The following PDE11A variants were observed in gnomAD, a reference collection of about 807,000 sequenced individuals.
PDE11A encodes dual 3',5'-cyclic-AMP and -GMP phosphodiesterase 11A.
Under a neutral mutation model 100.5 loss-of-function variants are expected in PDE11A, and 100 were observed. The ratio of observed to expected loss-of-function variants is 1.00; its 90% CI spans 0.85 to 1.18. PDE11A has a LOEUF of 1.18. Ranked by LOEUF, PDE11A falls within the 50% of genes most tolerant of loss-of-function variation. The pLI, the probability that PDE11A is intolerant of heterozygous loss-of-function variation, is 0.00. For missense variants in PDE11A, 1,141 were observed against 1,152.6 expected (o/e 0.99, Z 0.15); for synonymous variants, 381 against 420.8 (o/e 0.91, Z 1.16).
intron 10 of PDE11A, among the ~76,000 whole-genome samples, chr2:177,765,714 A>G (rs1356669013): frequency 6.6e-6 from 1 of 152,210 alleles, no homozygotes; most frequent in Non-Finnish European, 1.5e-5. Context: ...ACATGGATCC[A>G]TGGGAGGCTG....
At chr2:178,101,010 A>G (rs1574398987) in intron 2 of PDE11A, among the ~76,000 whole-genome samples, 1 of 152,258 alleles carries the variant, frequency 6.6e-6, no homozygotes. Context: ...TGATCTATTC[A>G]GTAGTCTATC....
chr2:177,689,176 G>T (rs553031215), intron 15 of PDE11A, among the ~76,000 whole-genome samples: 4 of 152,020 alleles, frequency 2.6e-5, no homozygotes, highest in Admixed American at 2.6e-4. Flanking sequence ...TCCTCCTCTC[G>T]GGTTCAAGAG....
chr2:177,830,975 C>T (rs144459441), intron 6 of PDE11A, among the ~76,000 whole-genome samples: 10 of 152,140 alleles, frequency 6.6e-5, no homozygotes, highest in Non-Finnish European at 1.3e-4. Context: ...AGCTCTGTGA[C>T]ATATAATCTT....
chr2:177,922,266 T>G (rs2085061963), intron 2 of PDE11A, among the ~76,000 whole-genome samples: 1 of 152,140 alleles, frequency 6.6e-6, no homozygotes, highest in African/African-American at 2.4e-5. Context: ...TTACTCAATA[T>G]TTTCACTTAG....
At chr2:177,963,818 A>C (rs1055101715) in intron 2 of PDE11A, among the ~76,000 whole-genome samples, 2 of 152,196 alleles carry the variant, frequency 1.3e-5, no homozygotes, top group African/African-American at 4.8e-5. Context: ...TTGTAACCCA[A>C]GCTGGAGATG....
intron 2 of PDE11A, chr2:177,926,864 A>G (rs2085131826): frequency 6.6e-6 from 1 of 151,786 alleles, no homozygotes; most frequent in African/African-American, 2.4e-5. Flanking sequence ...TAATTTTTTT[A>G]CTCCACATCT....
chr2:177,754,220 T>G (rs1574108439), intron 10 of PDE11A, among the ~76,000 whole-genome samples: 2 of 152,280 alleles, frequency 1.3e-5, no homozygotes, highest in Middle Eastern at 3.4e-3. Flanking sequence ...GATGGTCCAC[T>G]GGAGGGAAAG....
chr2:177,944,509 G>A (rs2085380575), intron 2 of PDE11A, among the ~76,000 whole-genome samples: 1 of 152,164 alleles, frequency 6.6e-6, no homozygotes, highest in Admixed American at 6.5e-5. Flanking sequence ...TCAAGACTCT[G>A]CTTAAAAAGC....
At chr2:178,097,644 A>C (rs183011123) in intron 2 of PDE11A, among the ~76,000 whole-genome samples, 35 of 152,364 alleles carry the variant, frequency 2.3e-4, no homozygotes, top group African/African-American at 8.4e-4. Context: ...AGAAGCTAGT[A>C]GAAAATGATA....
chr2:177,642,177 T>C (rs115383394), intron 19 of PDE11A, among the ~76,000 whole-genome samples: 94 of 152,340 alleles, frequency 6.2e-4, no homozygotes, highest in African/African-American at 2.2e-3. Flanking sequence ...GAATATCTCA[T>C]TAGCTAATAA....
At chr2:178,044,248 T>C (rs1167693393) in intron 1 of PDE11A, among the ~76,000 whole-genome samples, 3 of 151,840 alleles carry the variant, frequency 2.0e-5, no homozygotes, top group Admixed American at 1.3e-4. Context: ...GTCTTTCAAA[T>C]ATTTTTTCCA....
chr2:177,809,703 G>A (rs944845633), intron 9 of PDE11A, among the ~76,000 whole-genome samples: 2 of 151,708 alleles, frequency 1.3e-5, no homozygotes, highest in Non-Finnish European at 2.9e-5. Flanking sequence ...ATGAAGGGAA[G>A]GGAAGAAGCT....
rs60279596 is a variant in PDE11A at position 177,694,998 on chromosome 2, A to ATTT, written c.2345+2331_2345+2333dup. Among the ~76,000 whole-genome samples the ATTT allele has an allele frequency of 2.1e-3, 294 of 142,250 alleles. 1 individual carries two copies. The highest frequency in any genetic ancestry group is 7.2e-3 in the African/African-American group (281 of 38,780). The allele number at this position is 142,250 out of a possible 152,430, so 93.3% of individuals were successfully genotyped here. On this transcript the variant is annotated intron_variant, in intron 15 of 19. Coordinates refer to ENST00000286063, the MANE Select transcript of PDE11A (RefSeq NM_016953.4). ...CCTCTCCCTGTTTTCTCTGAATTTC[A>ATTT]TTTTTTTTTTCTGTTTGTTTGGCCT...
intron 19 of PDE11A, among the ~76,000 whole-genome samples, chr2:177,642,562 C>G (rs1195346049): frequency 6.6e-6 from 1 of 152,180 alleles, no homozygotes; most frequent in Non-Finnish European, 1.5e-5. Flanking sequence ...TTGTTAGTTG[C>G]CTACCCAATA....
chr2:178,069,416 A>C (rs2087094927), intron 1 of PDE11A, among the ~76,000 whole-genome samples: 2 of 152,276 alleles, frequency 1.3e-5, no homozygotes, highest in Admixed American at 1.3e-4. Flanking sequence ...GAGATACATA[A>C]AAGAAGCCAA....
At chr2:177,882,326 C>T (rs13426862) in intron 4 of PDE11A, among the ~76,000 whole-genome samples, 9,524 of 152,160 alleles carry the variant, frequency 0.063, 313 homozygotes, top group South Asian at 0.092. Flanking sequence ...ACAGCAAAAA[C>T]GGCTTAAATA....
chr2:178,044,859 T>G (rs1040985221), intron 1 of PDE11A, among the ~76,000 whole-genome samples: 7 of 152,178 alleles, frequency 4.6e-5, no homozygotes, highest in Admixed American at 1.3e-4. Context: ...GATGTTTTTT[T>G]GGGGGATGTT....
At chr2:177,905,900 C>T (rs751474956) in intron 2 of PDE11A, among the ~76,000 whole-genome samples, 2 of 152,128 alleles carry the variant, frequency 1.3e-5, no homozygotes, top group Admixed American at 6.5e-5. Flanking sequence ...AACACCCAGC[C>T]GTGATGGGCC....
chr2:177,997,244 C>A (rs2086087271), intron 2 of PDE11A: 1 of 1,279,424 alleles, frequency 7.8e-7, no homozygotes, highest in African/African-American at 1.5e-5. Flanking sequence ...CAACCTCGGC[C>A]CCCTCTACTT....
Sources: allele counts gnomAD v4.1 joint callset (sites outside exome capture counted in the v4.1 genomes callset), GRCh38; gene constraint gnomAD v4.1.1; transcripts MANE v1.5; gene names NCBI Gene and HGNC (gene_info 2026-07-23, HGNC 2026-07-21).